UROS: variants seen among roughly 807,000 people sequenced by gnomAD.
The protein encoded by UROS is uroporphyrinogen-III synthase.
Under a neutral mutation model 33.0 loss-of-function variants are expected in UROS, and 18 were observed. The observed-to-expected ratio is 0.55, with a 90% CI of 0.38 to 0.81. The LOEUF (loss-of-function observed/expected upper bound fraction) is 0.81, where lower values mean the gene tolerates loss of function less well. Ranked by LOEUF, UROS falls within the 30% of genes least tolerant of loss-of-function variation. The pLI, the probability that UROS is intolerant of heterozygous loss-of-function variation, is 0.00. For synonymous variants in UROS, 114 were observed against 121.1 expected (o/e 0.94, Z 0.38); for missense variants, 293 against 314.9 (o/e 0.93, Z 0.53).
chr10:125,798,057 C>T lies in UROS; in HGVS notation c.475+8G>A. The T allele has an allele frequency of 3.7e-6, 6 of 1,613,844 alleles. No homozygotes were observed. Among genetic ancestry groups the T allele is most frequent in the Non-Finnish European group, 5.1e-6 (6 of 1,179,734 alleles). On this transcript the variant is annotated splice_region_variant and intron_variant, in intron 7 of 9. Coordinates refer to ENST00000368797, the MANE Select transcript of UROS (RefSeq NM_000375.3). ...TGGTAAGGGATGCAGTCAAAGCATT[C>T]TACTCGCCTTTGTCCTTGAGCGCTT...
At chr10:125,789,166 G>T in intron 9 of UROS, 161 bp from the exon 10 acceptor site, 1 of 1,409,912 alleles carries the variant, frequency 7.1e-7, no homozygotes, top group Non-Finnish European at 9.6e-7. Context: ...TTCTAGCCCA[G>T]CTTCTGAGCG....
chr10:125,814,122 G>C (rs1420983615), intron 4 of UROS, among the ~76,000 whole-genome samples: 1 of 152,224 alleles, frequency 6.6e-6, no homozygotes, highest in Non-Finnish European at 1.5e-5. Flanking sequence ...ATTCAGGACA[G>C]AGTCTCGCAC....
Position 125,815,092 on chromosome 10 carries a change from G to C in UROS, c.186C>G (p.Thr62=). 6.2e-7 allele frequency: 1 copy of C among 1,614,108 alleles called. No homozygotes were observed. Among genetic ancestry groups the C allele is most frequent in the Non-Finnish European group, 8.5e-7 (1 of 1,180,032 alleles). The change falls in exon 4 of 10, where the codon ACC becomes ACG. Residue 62 remains threonine, a synonymous_variant. Transcript: ENST00000368797. ...CTGCTGCTTCCACTGCTCTGGGGCT[G>C]GTAAAAATGAGTCCCCCGTAATCTT... The part of the protein sequence containing the change: ...HPEDYGGLIF[T]SPRAVEAAEL...
chr10:125,785,993 C>T (rs1283805358), downstream of UROS, among the ~76,000 whole-genome samples: 2 of 152,200 alleles, frequency 1.3e-5, no homozygotes, highest in Admixed American at 6.5e-5. Context: ...AGGCTGGCCA[C>T]CCAGCCTGCT....
chr10:125,795,059 G>T, intron 8 of UROS, 81 bp from the exon 9 acceptor site: 3 of 1,382,128 alleles, frequency 2.2e-6, no homozygotes, highest in Non-Finnish European at 3.1e-6. Flanking sequence ...TCCGCATCAA[G>T]ACCTCAAGCC....
intron 6 of UROS, among the ~76,000 whole-genome samples, chr10:125,805,132 C>T (rs1852210528): frequency 1.3e-5 from 2 of 152,232 alleles, no homozygotes; most frequent in African/African-American, 4.8e-5. Flanking sequence ...TGCACAGGCT[C>T]AGGATTGCCA....
rs181928789 is a variant in UROS at position 125,822,796 on chromosome 10, A to T, written c.-27+233T>A. Among the ~76,000 whole-genome samples the T allele has an allele frequency of 2.2e-3, 342 of 152,306 alleles. 1 individual carries two copies. The highest frequency in any genetic ancestry group is 7.7e-3 in the African/African-American group (320 of 41,570). On this transcript the variant is annotated intron_variant, in intron 1 of 9. Transcript: ENST00000368797. Reference sequence around the variant, plus strand: ...TTTTTAACTGCGGTGCCGGCTTTAAAAAAACTTTTAGGTCAAGAAATGCGC... The same window carrying T: ...TTTTTAACTGCGGTGCCGGCTTTAATAAAACTTTTAGGTCAAGAAATGCGC...
rs2366044 is a variant in UROS, at chr10:125,816,091, A to G, written c.147+86T>C. Reference sequence around the variant, plus strand: ...TTTTAAAGTTTGGGAATAAAATAAGAAGACAGTAAAATAGTCCCTCTCTGG... The same window carrying G: ...TTTTAAAGTTTGGGAATAAAATAAGGAGACAGTAAAATAGTCCCTCTCTGG... On this transcript the variant is annotated intron_variant, in intron 3 of 9. Transcript: ENST00000368797. 0.99 allele frequency: 1,258,471 copies of G among 1,270,908 alleles called. 623,102 individuals are homozygous for G. The highest frequency in any genetic ancestry group is 1 in the East Asian group (43,264 of 43,272). The allele number at this position is 1,270,908 out of a possible 1,614,324, so 78.7% of individuals were successfully genotyped here. A position where few individuals can be genotyped will look rare whatever the true frequency, so the allele number is the denominator to read the frequency against.
chr10:125,806,043 A>G (rs952437252), intron 6 of UROS, among the ~76,000 whole-genome samples: 31 of 152,178 alleles, frequency 2.0e-4, no homozygotes, highest in African/African-American at 7.2e-4. Flanking sequence ...CTCAGACCAC[A>G]GTGTAGAAAA....
chr10:125,809,850 C>T (rs956898292), intron 5 of UROS, among the ~76,000 whole-genome samples: 1 of 152,138 alleles, frequency 6.6e-6, no homozygotes, highest in African/African-American at 2.4e-5. Context: ...CAGGTGTGAG[C>T]CACTGCACCC....
intron 4 of UROS, among the ~76,000 whole-genome samples, chr10:125,813,618 C>T (rs1853013158): frequency 6.6e-6 from 1 of 152,166 alleles, no homozygotes; most frequent in African/African-American, 2.4e-5. Context: ...GCTGGGACTC[C>T]AGGCATGTGC....
chr10:125,815,816 A>G (rs968461356), intron 3 of UROS, among the ~76,000 whole-genome samples: 1 of 152,196 alleles, frequency 6.6e-6, no homozygotes, highest in Non-Finnish European at 1.5e-5. Context: ...CCAATCTCTA[A>G]AACGGGAAAA....
At chr10:125,789,532 T>A (rs977448633) in intron 9 of UROS, 10 of 227,788 alleles carry the variant, frequency 4.4e-5, no homozygotes, top group African/African-American at 1.4e-4. Flanking sequence ...TCCTCATCTG[T>A]CAAACCGAAA....
intron 4 of UROS, among the ~76,000 whole-genome samples, chr10:125,812,516 T>C (rs1852906344): frequency 6.6e-6 from 1 of 152,224 alleles, no homozygotes; most frequent in African/African-American, 2.4e-5. Flanking sequence ...TTGCTTGAAA[T>C]ATTAGCCTAT....
At chr10:125,788,190 G>GTTGGGAATGAAGTTTGGGAACT (rs1243323259), downstream of UROS, among the ~76,000 whole-genome samples, 1 of 152,210 alleles carries the variant, frequency 6.6e-6, no homozygotes, top group Non-Finnish European at 1.5e-5. Context: ...TTCAGGCTGA[G>GTTGGGAATGAAGTTTGGGAACT]TTGGGAATGA....
chr10:125,810,341 C>T (rs1852695593), intron 5 of UROS, among the ~76,000 whole-genome samples: 1 of 152,220 alleles, frequency 6.6e-6, no homozygotes. Context: ...GGGACGCCAG[C>T]TGCCATGTCT....
chr10:125,788,197 A>G (rs1357499963), downstream of UROS, among the ~76,000 whole-genome samples: 1 of 152,178 alleles, frequency 6.6e-6, no homozygotes, highest in East Asian at 1.9e-4. Flanking sequence ...TGAGTTGGGA[A>G]TGAAGTTTGG....
At chr10:125,793,316 G>A (rs1241155760) in intron 9 of UROS, 6 of 133,190 alleles carry the variant, frequency 4.5e-5, no homozygotes, top group South Asian at 5.1e-4. Context: ...ATACCACCAG[G>A]CATCTCACAG....
At chr10:125,794,854 G>A in intron 9 of UROS, 26 bp downstream of exon 9, 2 of 1,540,698 alleles carry the variant, frequency 1.3e-6, no homozygotes. Context: ...ATCTGAAAAA[G>A]ACCAAAAGCT....
Sources: allele counts gnomAD v4.1 joint callset (sites outside exome capture counted in the v4.1 genomes callset), GRCh38; gene constraint gnomAD v4.1.1; transcripts MANE v1.5; gene names NCBI Gene and HGNC (gene_info 2026-07-23, HGNC 2026-07-21).